PCBD2: variants seen among roughly 807,000 people sequenced by gnomAD.
The protein encoded by PCBD2 is pterin-4 alpha-carbinolamine dehydratase 2.
A neutral mutation model predicts 16.4 loss-of-function variants in PCBD2; 12 were observed. The ratio of observed to expected loss-of-function variants is 0.73; its 90% CI spans 0.47 to 1.19. The LOEUF (loss-of-function observed/expected upper bound fraction) is 1.19, where lower values mean the gene tolerates loss of function less well. Among genes scored for constraint, PCBD2 ranks in the 50% most tolerant of loss-of-function variants. PCBD2 has a pLI of 0.00. For synonymous variants in PCBD2, 58 were observed against 61.8 expected, an observed-to-expected ratio of 0.94 and a Z score of 0.29; for missense variants, 138 against 156.8, an observed-to-expected ratio of 0.88 and a Z score of 0.64.
chr5:134,960,550 G>C (rs1322883083), intron 3 of PCBD2, 36 bp from the exon 4 acceptor site: 7 of 1,427,994 alleles, frequency 4.9e-6, no homozygotes, highest in Non-Finnish European at 5.9e-6. Flanking sequence ...ATGATTTGCT[G>C]CTCAGAGTTT....
At chr5:134,909,175 A>G (rs1750734324) in intron 1 of PCBD2, among the ~76,000 whole-genome samples, 1 of 152,252 alleles carries the variant, frequency 6.6e-6, no homozygotes, top group African/African-American at 2.4e-5. Context: ...TGTCATCCCC[A>G]GGATGCGTAG....
intron 2 of PCBD2, among the ~76,000 whole-genome samples, chr5:134,912,840 G>T (rs931543574): frequency 1.3e-5 from 2 of 152,148 alleles, no homozygotes; most frequent in African/African-American, 4.8e-5. Flanking sequence ...GTTTTCTCTT[G>T]CTCACAACTC....
intron 2 of PCBD2, among the ~76,000 whole-genome samples, chr5:134,947,281 G>A (rs978541654): frequency 2.0e-5 from 3 of 151,710 alleles, no homozygotes; most frequent in Admixed American, 2.0e-4. Context: ...TAGTAGAGAC[G>A]GGGTTTACTC....
intron 2 of PCBD2, among the ~76,000 whole-genome samples, chr5:134,920,180 T>G (rs936536926): frequency 3.9e-5 from 6 of 152,212 alleles, no homozygotes; most frequent in African/African-American, 1.4e-4. Context: ...GAATTACTAT[T>G]ATGTTGCGCT....
At chr5:134,926,098 A>G (rs1750991270) in intron 2 of PCBD2, 1 of 340,440 alleles carries the variant, frequency 2.9e-6, no homozygotes. Context: ...GAAGATGAGT[A>G]GGTATTTGAA....
At chr5:134,927,443 C>T (rs4990382) in intron 2 of PCBD2, 2 of 398,152 alleles carry the variant, frequency 5.0e-6, no homozygotes, top group Non-Finnish European at 8.9e-6. Context: ...CTATTGTGTA[C>T]GCTAGCCATA....
Position 134,917,314 on chromosome 5 carries a change from C to T in PCBD2, c.216+6848C>T, listed in dbSNP as rs191126480. Reference sequence around the variant, plus strand: ...CAGGCGGCAACACCCCTTTCTGCCCCCCAGAAGGCTGTCCCTGTTCTTTCA... The same window carrying T: ...CAGGCGGCAACACCCCTTTCTGCCCTCCAGAAGGCTGTCCCTGTTCTTTCA... On this transcript the variant is annotated intron_variant, in intron 2 of 3. Coordinates refer to ENST00000254908, the MANE Select transcript of PCBD2 (RefSeq NM_032151.5). 2.6e-3 allele frequency among the ~76,000 whole-genome samples: 400 copies of T among 152,360 alleles called. 1 individual carries two copies. Among genetic ancestry groups the T allele is most frequent in the Admixed American group, 6.5e-3 (100 of 15,304 alleles).
At chr5:134,933,997 G>A (rs905014188) in intron 2 of PCBD2, among the ~76,000 whole-genome samples, 2 of 152,114 alleles carry the variant, frequency 1.3e-5, no homozygotes, top group Admixed American at 6.5e-5. Context: ...GATAAAGAAG[G>A]CTTGTTTAAT....
intron 1 of PCBD2, among the ~76,000 whole-genome samples, chr5:134,909,341 G>A (rs942298951): frequency 6.6e-6 from 1 of 152,232 alleles, no homozygotes; most frequent in African/African-American, 2.4e-5. Context: ...AGGATCTGTG[G>A]ACCCCCAGAA....
chr5:134,942,805 C>T (rs1467890989), intron 2 of PCBD2, among the ~76,000 whole-genome samples: 1 of 152,092 alleles, frequency 6.6e-6, no homozygotes, highest in Non-Finnish European at 1.5e-5. Context: ...TGCAGCCCAG[C>T]CAAGTCATAC....
chr5:134,944,924 T>C (rs1439056238), intron 2 of PCBD2, among the ~76,000 whole-genome samples: 1 of 152,210 alleles, frequency 6.6e-6, no homozygotes, highest in Admixed American at 6.5e-5. Context: ...TTTAAATCAT[T>C]GTGTCCCAAC....
intron 2 of PCBD2, among the ~76,000 whole-genome samples, chr5:134,916,694 C>T (rs1241825016): frequency 1.3e-5 from 2 of 152,190 alleles, no homozygotes; most frequent in African/African-American, 2.4e-5. Context: ...CATTGGATAG[C>T]TCAGATGGAT....
In PCBD2 at chr5:134,958,750, T is replaced by A. The variant is rs1006401021; in HGVS notation, c.217-290T>A. On this transcript the variant is annotated intron_variant, in intron 2 of 3. Transcript: ENST00000254908. ...GGGAAATTATTCCCGTGCTATTTTG[T>A]AGAGTCTTGTCCTGAGGACAATTAA... is the stretch of plus-strand genomic sequence containing the variant. Among the ~76,000 whole-genome samples, 4 of 152,324 alleles carry A rather than the reference T, an allele frequency of 2.6e-5. No individual in the cohort carries two copies. In the East Asian group the frequency reaches 7.7e-4, roughly 29 times the overall value.
intron 1 of PCBD2, 52 bp from the exon 2 acceptor site, chr5:134,910,277 AAGTTTG>A: frequency 3.8e-6 from 6 of 1,562,816 alleles, no homozygotes; most frequent in Non-Finnish European, 4.4e-6. Context: ...AAGGAGCCAT[AAGTTTG>A]AGTTTGAGTA....
rs527562172 is a variant in PCBD2 at position 134,908,054 on chromosome 5, A to G, written c.85-2281A>G. On this transcript the variant is annotated intron_variant, in intron 1 of 3. Transcript: ENST00000254908. ...CCCACCTCAGCCTCCCAAGTAGCTGAGACTATGGACATGGTCCACCACACC... is the reference window on the plus strand; with the variant it reads ...CCCACCTCAGCCTCCCAAGTAGCTGGGACTATGGACATGGTCCACCACACC... 8.6e-5 allele frequency among the ~76,000 whole-genome samples: 13 copies of G among 150,640 alleles called. 1 individual carries two copies. Among genetic ancestry groups the G allele is most frequent in the Admixed American group, 3.3e-4 (5 of 15,130 alleles).
At chr5:134,922,562 T>C (rs1407577237) in intron 2 of PCBD2, among the ~76,000 whole-genome samples, 3 of 152,302 alleles carry the variant, frequency 2.0e-5, no homozygotes, top group African/African-American at 7.2e-5. Context: ...ATACTGTCCT[T>C]ATCCTCACAG....
At chr5:134,947,013 T>C (rs1457902516) in intron 2 of PCBD2, among the ~76,000 whole-genome samples, 1 of 152,182 alleles carries the variant, frequency 6.6e-6, no homozygotes, top group African/African-American at 2.4e-5. Context: ...GTAGTAGTTA[T>C]GTCTCCTGAA....
chr5:134,910,787 T>A lies in PCBD2; in HGVS notation c.216+321T>A, dbSNP rs59773283. On this transcript the variant is annotated intron_variant, in intron 2 of 3. Coordinates refer to ENST00000254908, the MANE Select transcript of PCBD2 (RefSeq NM_032151.5). ...AACATTAAAAGAGAGTGTAAGCCTT[T>A]TATTATTGATTATTATTTTTTGAGA... Among the ~76,000 whole-genome samples, 7 of 152,264 alleles carry A rather than the reference T, an allele frequency of 4.6e-5. 1 individual carries two copies. The highest frequency in any genetic ancestry group is 4.6e-4 in the Admixed American group (7 of 15,304).
Position 134,905,224 on chromosome 5 carries a change from G to C in PCBD2, c.84+1G>C. Reference sequence around the variant, plus strand: ...CCAGAGCCTAGGGCTAGCGGCCATGGTGAGTGCACAGCGGCCGCGTGGGTG... The same window carrying C: ...CCAGAGCCTAGGGCTAGCGGCCATGCTGAGTGCACAGCGGCCGCGTGGGTG... On this transcript the variant is annotated splice_donor_variant, in intron 1 of 3. Coordinates refer to ENST00000254908, the MANE Select transcript of PCBD2 (RefSeq NM_032151.5). LOFTEE classifies it high-confidence loss of function. The C allele has an allele frequency of 8.2e-7, 1 of 1,223,892 alleles. No individual in the cohort carries two copies. The highest frequency in any genetic ancestry group is 1.0e-6 in the Non-Finnish European group (1 of 982,942). The allele number at this position is 1,223,892 out of a possible 1,614,324, so 75.8% of individuals were successfully genotyped here.
Sources: allele counts gnomAD v4.1 joint callset (sites outside exome capture counted in the v4.1 genomes callset), GRCh38; gene constraint gnomAD v4.1.1; transcripts MANE v1.5; gene names NCBI Gene and HGNC (gene_info 2026-07-23, HGNC 2026-07-21).